SATB1: variants seen among roughly 807,000 people sequenced by gnomAD.
SATB1 encodes the protein SATB homeobox 1.
SATB1 carries 11 observed loss-of-function variants against 86.9 expected under a neutral mutation model. That is an observed-to-expected ratio of 0.13 (90% CI 0.08 to 0.21). The LOEUF (loss-of-function observed/expected upper bound fraction) is 0.21, where lower values mean the gene tolerates loss of function less well. SATB1 is among the 10% of genes least tolerant of loss of function. The pLI, the probability that SATB1 is intolerant of heterozygous loss-of-function variation, is 1.00. For synonymous variants in SATB1, 357 were observed against 357.2 expected, an observed-to-expected ratio of 1.00 and a Z score of 0.01; for missense variants, 551 against 937.6, an observed-to-expected ratio of 0.59 and a Z score of 5.39.
intron 9 of SATB1, among the ~76,000 whole-genome samples, chr3:18,377,418 CT>C (rs1695817922): frequency 6.6e-6 from 1 of 152,114 alleles, no homozygotes; most frequent in East Asian, 1.9e-4. Flanking sequence ...TTATAGATAA[CT>C]AAGTTTGTTC....
At chr3:18,358,994 C>T (rs1694784246) in intron 9 of SATB1, among the ~76,000 whole-genome samples, 1 of 151,884 alleles carries the variant, frequency 6.6e-6, no homozygotes, top group Non-Finnish European at 1.5e-5. Flanking sequence ...CTAAAGGTTA[C>T]ACAGAAAGAA....
At chr3:18,387,561 T>C (rs899925023) in intron 7 of SATB1, among the ~76,000 whole-genome samples, 9 of 152,202 alleles carry the variant, frequency 5.9e-5, no homozygotes, top group African/African-American at 1.7e-4. Flanking sequence ...CCCCATTGCA[T>C]TTAAGAGACA....
At chr3:18,404,008 C>G (rs1697397678) in intron 5 of SATB1, among the ~76,000 whole-genome samples, 1 of 152,048 alleles carries the variant, frequency 6.6e-6, no homozygotes, top group Admixed American at 6.6e-5. Flanking sequence ...ACTACACATT[C>G]AAATACAATT....
At chr3:18,433,285 T>G (rs555568678) in intron 2 of SATB1, among the ~76,000 whole-genome samples, 3 of 152,322 alleles carry the variant, frequency 2.0e-5, no homozygotes, top group Admixed American at 2.0e-4. Flanking sequence ...GTCACGCTCA[T>G]ATATGCAGAA....
intron 9 of SATB1, among the ~76,000 whole-genome samples, chr3:18,373,862 T>A (rs1314766538): frequency 6.6e-6 from 1 of 152,178 alleles, no homozygotes; most frequent in Non-Finnish European, 1.5e-5. Flanking sequence ...ATTAAAAACA[T>A]ACCTATTCAT....
At chr3:18,387,151 T>C (rs1045602861) in intron 7 of SATB1, among the ~76,000 whole-genome samples, 7 of 152,212 alleles carry the variant, frequency 4.6e-5, no homozygotes, top group Non-Finnish European at 1.0e-4. Flanking sequence ...AATTATTCCT[T>C]AAACTCTGAC....
At position 18,349,401 on chromosome 3, in the gene SATB1, G is replaced by A. The variant is rs758289888; in HGVS notation, c.2061C>T (p.Tyr687=). The A allele has an allele frequency of 2.5e-5, 40 of 1,614,080 alleles. No homozygotes were observed. In the South Asian group the frequency reaches 4.0e-4, roughly 16 times the overall value. The change falls in exon 11 of 11, where the codon TAC becomes TAT. Residue 687 remains tyrosine, a synonymous_variant. Transcript: ENST00000338745. The surrounding 1 kb of genome is among the most constrained non-coding windows in gnomAD (Gnocchi z 5.5). ...GGTTCTGAAAGAACTTGATGATGGTGTACTTGGGAAGGTCGAGCTGGGCAG... is the reference window on the plus strand; with the variant it reads ...GGTTCTGAAAGAACTTGATGATGGTATACTTGGGAAGGTCGAGCTGGGCAG... The part of the protein sequence containing the change: ...TLSAQLDLPK[Y]TIIKFFQNQR...
rs138523728 is a variant in SATB1 at position 18,352,669 on chromosome 3, G to A, written c.1576-474C>T. Reference sequence around the variant, plus strand: ...AAGAAAACTGTGTGTGAATATTTATGTGTGTACATGTATGAAACAGAAAGG... The same window carrying A: ...AAGAAAACTGTGTGTGAATATTTATATGTGTACATGTATGAAACAGAAAGG... On this transcript the variant is annotated intron_variant, in intron 9 of 10. Coordinates refer to ENST00000338745, the MANE Select transcript of SATB1 (RefSeq NM_002971.6). The surrounding 1 kb of genome is among the most constrained non-coding windows in gnomAD (Gnocchi z 4.1). 2.0e-4 allele frequency: 34 copies of A among 171,212 alleles called. 1 individual carries two copies. The East Asian group carries it at 5.1e-3, about 25-fold the overall frequency. 10.6% of individuals were successfully genotyped at this position (171,212 alleles called of 1,614,324 possible).
rs1699326144 is a variant in SATB1, at chr3:18,444,458, T to C, written c.-25+1060A>G. ...GGGGCTCGGAAGACCGTTGAAGCCC[T>C]GCGCCCACGAGAGGGGAGCCCAGCC... is the stretch of plus-strand genomic sequence containing the variant. On this transcript the variant is annotated intron_variant, in intron 1 of 3. Transcript: ENST00000415069. This position sits in a 1 kb window ranked among gnomAD's most constrained non-coding sequence, Gnocchi z 5.1. 2 of 387,742 alleles carry C rather than the reference T, an allele frequency of 5.2e-6. No homozygotes were observed. Among genetic ancestry groups the C allele is most frequent in the Non-Finnish European group, 7.0e-6 (2 of 284,064 alleles). The allele number at this position is 387,742 out of a possible 1,614,324, so 24.0% of individuals were successfully genotyped here.
intron 9 of SATB1, among the ~76,000 whole-genome samples, chr3:18,359,582 T>C (rs570680170): frequency 1.4e-4 from 21 of 152,146 alleles, no homozygotes; most frequent in South Asian, 8.3e-4. Context: ...TAGGGTAGTT[T>C]AGTCAAAGCT....
chr3:18,397,133 A>C, intron 6 of SATB1, 46 bp downstream of exon 6: 1 of 1,022,750 alleles, frequency 9.8e-7, no homozygotes, highest in Non-Finnish European at 1.6e-6. Context: ...CCCCCAAATG[A>C]CACGTAATGG....
chr3:18,427,668 A>G (rs1698753250), upstream of SATB1, among the ~76,000 whole-genome samples: 1 of 152,226 alleles, frequency 6.6e-6, no homozygotes, highest in Admixed American at 6.5e-5. Flanking sequence ...GGGAATTAAT[A>G]CAGCAATCCT....
In SATB1 at chr3:18,394,010, C is replaced by T. The variant is rs11716005; in HGVS notation, c.1206+452G>A. Among the ~76,000 whole-genome samples, 22,238 of 152,024 alleles carry T rather than the reference C, an allele frequency of 0.15. 2,081 individuals are homozygous for T. Among genetic ancestry groups the T allele is most frequent in the East Asian group, 0.4 (2,090 of 5,168 alleles). On this transcript the variant is annotated intron_variant, in intron 7 of 10. Transcript: ENST00000338745. The surrounding 1 kb of genome is among the most constrained non-coding windows in gnomAD (Gnocchi z 5.9). Reference sequence around the variant, plus strand: ...CAACAAACAACAACAACAACAACAACGCTGCAGTAGAACTTTAAGAGGGAA... The same window carrying T: ...CAACAAACAACAACAACAACAACAATGCTGCAGTAGAACTTTAAGAGGGAA...
At chr3:18,384,205 C>T (rs1696204175) in intron 8 of SATB1, among the ~76,000 whole-genome samples, 2 of 152,112 alleles carry the variant, frequency 1.3e-5, no homozygotes, top group Admixed American at 6.5e-5. Flanking sequence ...ATAAATTAAA[C>T]ATATATTCTA....
At chr3:18,393,905 T>C (rs1696818109) in intron 7 of SATB1, among the ~76,000 whole-genome samples, 2 of 152,218 alleles carry the variant, frequency 1.3e-5, no homozygotes, top group Admixed American at 1.3e-4. Context: ...TACAAATATT[T>C]TATGTTAATA....
intron 7 of SATB1, among the ~76,000 whole-genome samples, chr3:18,389,162 A>G (rs1397406714): frequency 6.6e-6 from 1 of 151,932 alleles, no homozygotes; most frequent in Non-Finnish European, 1.5e-5. Context: ...TTCGTCTGAA[A>G]TATGTTGATG....
chr3:18,416,794 T>A (rs1340660015), intron 3 of SATB1, 108 bp downstream of exon 3: 7 of 1,123,174 alleles, frequency 6.2e-6, no homozygotes, highest in Non-Finnish European at 8.8e-6. Flanking sequence ...AAGGAACCAA[T>A]GTAATACACA....
At chr3:18,396,757 GTTTAA>G (rs1223829903) in intron 6 of SATB1, among the ~76,000 whole-genome samples, 3 of 152,096 alleles carry the variant, frequency 2.0e-5, no homozygotes, top group African/African-American at 4.8e-5. Flanking sequence ...ACTATAAATA[GTTTAA>G]TTTAAGAAGT....
At chr3:18,406,426 A>G (rs1697537984) in intron 5 of SATB1, among the ~76,000 whole-genome samples, 1 of 152,062 alleles carries the variant, frequency 6.6e-6, no homozygotes, top group Admixed American at 6.6e-5. Flanking sequence ...GAAGAAAATA[A>G]ACAAATGAAA....
Sources: gnomAD v4.1 joint callset for allele counts (sites outside exome capture counted in the v4.1 genomes callset) on GRCh38, gnomAD v4.1.1 for gene constraint, Gnocchi (gnomAD v3.1) non-coding constraint, MANE v1.5 for transcripts, NCBI Gene and HGNC (gene_info 2026-07-23, HGNC 2026-07-21) for gene names.